TTC7B: variants seen among roughly 807,000 people sequenced by gnomAD.
The protein encoded by TTC7B is tetratricopeptide repeat protein 7B.
In TTC7B, 28 loss-of-function variants were observed where a neutral mutation model predicts 106.8. The observed-to-expected ratio is 0.26, with a 90% CI of 0.19 to 0.36. The LOEUF (loss-of-function observed/expected upper bound fraction) is 0.36. TTC7B is among the 10% of genes least tolerant of loss of function. The pLI is 1.00. For synonymous variants in TTC7B, 405 were observed against 430.6 expected, an observed-to-expected ratio of 0.94 and a Z score of 0.74; for missense variants, 862 against 1,076.4, an observed-to-expected ratio of 0.80 and a Z score of 2.79.
At chr14:90,667,907 TC>T (rs1719617606) in intron 9 of TTC7B, among the ~76,000 whole-genome samples, 3 of 152,180 alleles carry the variant, frequency 2.0e-5, no homozygotes, top group Non-Finnish European at 4.4e-5. Flanking sequence ...TCAGGATAGA[TC>T]ACCAGCTGGA....
intron 6 of TTC7B, 93 bp downstream of exon 6, chr14:90,695,407 T>C (rs997264712): frequency 1.8e-6 from 1 of 564,432 alleles, no homozygotes; most frequent in Non-Finnish European, 2.9e-6. Flanking sequence ...ATGTCACATA[T>C]ATTTATAATA....
chr14:90,717,155 T>G (rs1888689139), intron 5 of TTC7B, among the ~76,000 whole-genome samples: 1 of 152,010 alleles, frequency 6.6e-6, no homozygotes, highest in Non-Finnish European at 1.5e-5. Context: ...CTGGCTAACA[T>G]GGTGAAACCC....
chr14:90,742,735 C>T lies in TTC7B; in HGVS notation c.576+2057G>A, dbSNP rs1441615615. 6.6e-6 allele frequency among the ~76,000 whole-genome samples: 1 copy of T among 152,210 alleles called. No individual in the cohort carries two copies. Among genetic ancestry groups the T allele is most frequent in the Non-Finnish European group, 1.5e-5 (1 of 68,038 alleles). ...AGAAAAGGATTTCTTTTAAATCCTA[C>T]GACTATACAAGCCTCCTTGATGTTC... is the stretch of plus-strand genomic sequence containing the variant. On this transcript the variant is annotated intron_variant, in intron 4 of 19. Transcript: ENST00000328459. This position sits in a 1 kb window ranked among gnomAD's most constrained non-coding sequence, Gnocchi z 4.1.
chr14:90,578,200 A>G lies in TTC7B; in HGVS notation c.2216T>C (p.Ile739Thr). Reference protein sequence around the residue: ...SHNVLYMRGQIAELRGSMDEA... With the variant: ...SHNVLYMRGQTAELRGSMDEA... ...GTCCATGCTTCCCCGGAGCTCAGCA[A>G]TCTGGCCGCGCATGTAGAGGACATT... The change falls in exon 19 of 20, where the codon ATT (isoleucine) becomes ACT (threonine). Residue 739 changes from isoleucine (I) to threonine (T), a missense_variant. By Grantham distance (89) the Ile-to-Thr change is moderately conservative. Coordinates refer to ENST00000328459, the MANE Select transcript of TTC7B (RefSeq NM_001010854.2). The surrounding 1 kb of genome is among the most constrained non-coding windows in gnomAD (Gnocchi z 4.7). 6.2e-7 allele frequency: 1 copy of G among 1,614,174 alleles called. No individual in the cohort carries two copies. Among genetic ancestry groups the G allele is most frequent in the East Asian group, 2.2e-5 (1 of 44,874 alleles).
intron 1 of TTC7B, among the ~76,000 whole-genome samples, chr14:90,790,794 G>C (rs1421719781): frequency 6.6e-6 from 1 of 152,130 alleles, no homozygotes; most frequent in East Asian, 1.9e-4. Flanking sequence ...TGAGTTCTCA[G>C]TGGGAAAACT....
chr14:90,805,776 G>A lies in TTC7B; in HGVS notation c.121+10399C>T, dbSNP rs1483048779. Among the ~76,000 whole-genome samples the A allele has an allele frequency of 2.0e-5, 3 of 152,180 alleles. No individual in the cohort carries two copies. The highest frequency in any genetic ancestry group is 7.2e-5 in the African/African-American group (3 of 41,434). The stretch of plus-strand genomic sequence containing the variant: ...ATCAAAGAGATATGGGGAATTAGCC[G>A]CCCTGCAGGGGGTCCGTGCCCTGCC... On this transcript the variant is annotated intron_variant, in intron 1 of 19. Coordinates refer to ENST00000328459, the MANE Select transcript of TTC7B (RefSeq NM_001010854.2). This position sits in a 1 kb window ranked among gnomAD's most constrained non-coding sequence, Gnocchi z 4.0.
At chr14:90,717,295 C>T (rs1370690963) in intron 5 of TTC7B, among the ~76,000 whole-genome samples, 1 of 150,880 alleles carries the variant, frequency 6.6e-6, no homozygotes. Context: ...GCTGAGATCG[C>T]ACCCCTGCAC....
intron 1 of TTC7B, among the ~76,000 whole-genome samples, chr14:90,791,090 A>T (rs991840722): frequency 9.9e-5 from 15 of 152,150 alleles, no homozygotes; most frequent in Admixed American, 9.2e-4. Flanking sequence ...GCCCTCAGCA[A>T]TGGAAAACAG....
chr14:90,525,016 A>G lies in TTC7B; in HGVS notation c.*16352T>C, dbSNP rs1889114092. ...GACATTTGTATCTATCCATGAAGCC[A>G]TCGCCACTATTAAGAGAGGGATCAT... On this transcript the variant is annotated 3_prime_UTR_variant, in exon 20 of 20. Transcript: ENST00000328459. 6.6e-6 allele frequency: 1 copy of G among 152,224 alleles called. No homozygotes were observed. The highest frequency in any genetic ancestry group is 1.5e-5 in the Non-Finnish European group (1 of 68,038). The allele number at this position is 152,224 out of a possible 1,614,324, so 9.4% of individuals were successfully genotyped here. A position where few individuals can be genotyped will look rare whatever the true frequency, so the allele number is the denominator to read the frequency against.
At chr14:90,561,849 G>T (rs1890602305) in intron 19 of TTC7B, among the ~76,000 whole-genome samples, 1 of 152,216 alleles carries the variant, frequency 6.6e-6, no homozygotes, top group African/African-American at 2.4e-5. Context: ...GGGTTGGCGA[G>T]TCTGGCAAAG....
chr14:90,688,229 C>T (rs763860196), intron 7 of TTC7B, among the ~76,000 whole-genome samples: 2 of 152,214 alleles, frequency 1.3e-5, no homozygotes, highest in Non-Finnish European at 2.9e-5. Flanking sequence ...GTGGCTCATG[C>T]CTGTAATCCC....
At chr14:90,715,895 C>G (rs1334205646) in intron 5 of TTC7B, among the ~76,000 whole-genome samples, 4 of 152,226 alleles carry the variant, frequency 2.6e-5, no homozygotes, top group African/African-American at 9.6e-5. Flanking sequence ...AAGTAGTTAA[C>G]TACAATACTT....
intron 7 of TTC7B, among the ~76,000 whole-genome samples, chr14:90,682,469 C>T (rs1200356897): frequency 6.6e-6 from 1 of 152,178 alleles, no homozygotes; most frequent in African/African-American, 2.4e-5. Context: ...TTAGAAGGCT[C>T]CCTCTCAATC....
intron 4 of TTC7B, among the ~76,000 whole-genome samples, chr14:90,740,196 G>C (rs537182580): frequency 6.6e-6 from 1 of 152,136 alleles, no homozygotes; most frequent in Non-Finnish European, 1.5e-5. Context: ...CCGCCTCTGG[G>C]TCTGGAACTA....
In TTC7B at chr14:90,525,979, A is replaced by AT. The variant is rs1566752781; in HGVS notation, c.*15388_*15389insA. On this transcript the variant is annotated 3_prime_UTR_variant, in exon 20 of 20. Coordinates refer to ENST00000328459, the MANE Select transcript of TTC7B (RefSeq NM_001010854.2). ...GGTTAAAAAATAAAAAAAAATAAAA[A>AT]AAATAAAAAAAAAAAAGAAGTCTTT... 4.9e-5 allele frequency: 7 copies of AT among 142,926 alleles called. 1 individual carries two copies. Among genetic ancestry groups the AT allele is most frequent in the African/African-American group, 1.8e-4 (7 of 39,060 alleles). 8.9% of individuals were successfully genotyped at this position (142,926 alleles called of 1,614,324 possible).
intron 3 of TTC7B, among the ~76,000 whole-genome samples, chr14:90,752,637 C>T (rs1890171332): frequency 6.6e-6 from 1 of 152,196 alleles, no homozygotes; most frequent in Admixed American, 6.5e-5. Context: ...CTACTCAGCA[C>T]CCAGCACTAT....
intron 15 of TTC7B, among the ~76,000 whole-genome samples, chr14:90,631,675 G>C (rs1025192325): frequency 6.6e-6 from 1 of 152,028 alleles, no homozygotes; most frequent in African/African-American, 2.4e-5. Flanking sequence ...CAAAGTGCTG[G>C]GATTACAGGC....
chr14:90,704,015 C>A (rs1388030430), intron 5 of TTC7B, among the ~76,000 whole-genome samples: 1 of 152,184 alleles, frequency 6.6e-6, no homozygotes, highest in Non-Finnish European at 1.5e-5. Context: ...GCAAGGGGAA[C>A]AAGTACCAGA....
chr14:90,799,955 G>A (rs186481847), intron 1 of TTC7B, among the ~76,000 whole-genome samples: 2,539 of 152,062 alleles, frequency 0.017, 41 homozygotes, highest in Middle Eastern at 0.031. Context: ...TCAGCCTCCC[G>A]AGTAGCTGGG....
Sources: gnomAD v4.1 joint callset for allele counts (sites outside exome capture counted in the v4.1 genomes callset) on GRCh38, gnomAD v4.1.1 for gene constraint, Gnocchi (gnomAD v3.1) non-coding constraint, MANE v1.5 for transcripts, NCBI Gene and HGNC (gene_info 2026-07-23, HGNC 2026-07-21) for gene names.